Variants in SRC observed in about 807,000 individuals in gnomAD.
SRC encodes proto-oncogene tyrosine-protein kinase Src.
SRC carries 13 observed loss-of-function variants against 62.9 expected under a neutral mutation model. That is an observed-to-expected ratio of 0.21 (90% confidence interval 0.13 to 0.33). The LOEUF is 0.33. Among genes scored for constraint, SRC ranks in the 10% least tolerant of loss-of-function variants. The pLI, the probability that SRC is intolerant of heterozygous loss-of-function variation, is 1.00. For synonymous variants in SRC, 302 were observed against 317.5 expected (o/e 0.95, Z 0.52); for missense variants, 457 against 737.3 (o/e 0.62, Z 4.40).
rs372817033 is a variant in SRC at position 37,386,063 on chromosome 20, C to A, written c.251-12C>A. 2.5e-6 allele frequency: 4 copies of A among 1,608,772 alleles called. No individual in the cohort carries two copies. In the African/African-American group the frequency reaches 5.3e-5, roughly 21 times the overall value. Reference sequence around the variant, plus strand: ...GCCCCACTGTTCTGACACACCCCACCCCTCTCTGCAGGTGGAGTGACCACC... The same window carrying A: ...GCCCCACTGTTCTGACACACCCCACACCTCTCTGCAGGTGGAGTGACCACC... On this transcript the variant is annotated splice_polypyrimidine_tract_variant and intron_variant, in intron 4 of 13. Transcript: ENST00000373578.
In SRC at chr20:37,396,231, G is replaced by A. The variant is rs867236697; in HGVS notation, c.623G>A (p.Arg208His). ...KGLNVKHYKI[R>H]KLDSGGFYIT... ...CTCAACGTGAAGCACTACAAGATCC[G>A]CAAGCTGGACAGCGGCGGCTTCTAC... is the stretch of plus-strand genomic sequence containing the variant. Residue 208 changes from arginine to histidine, a missense_variant, in exon 8 of 14, where the codon CGC (arginine) becomes CAC (histidine). Around this residue, in one of 4 missense-constraint regions of SRC, gnomAD observed 141 missense variants for 198.4 expected, o/e 0.71. Transcript: ENST00000373578. The surrounding 1 kb of genome is among the most constrained non-coding windows in gnomAD (Gnocchi z 6.1). 6.2e-7 allele frequency: 1 copy of A among 1,614,046 alleles called. No homozygotes were observed. The highest frequency in any genetic ancestry group is 8.5e-7 in the Non-Finnish European group (1 of 1,180,000).
At chr20:37,367,188 T>G (rs2070076822) in intron 2 of SRC, among the ~76,000 whole-genome samples, 1 of 149,504 alleles carries the variant, frequency 6.7e-6, no homozygotes, top group South Asian at 2.2e-4. Context: ...TCCTCTCATC[T>G]CAGCCTCCCA....
At position 37,405,689 on chromosome 20, in the gene SRC, T is replaced by TCCGTA. The variant is rs1733343230; in HGVS notation, c.*2314_*2315insACCGT. On this transcript the variant is annotated 3_prime_UTR_variant, in exon 14 of 14. Transcript: ENST00000373578. The stretch of plus-strand genomic sequence containing the variant: ...GCATGACAAGTTCAGGACTCAAATG[T>TCCGTA]CCGTGGTGGATGGTAGCAGTGACAT... 1 of 155,722 alleles carries TCCGTA rather than the reference T, an allele frequency of 6.4e-6. No individual in the cohort carries two copies. Among genetic ancestry groups the TCCGTA allele is most frequent in the Admixed American group, 6.5e-5 (1 of 15,340 alleles). The allele number at this position is 155,722 out of a possible 1,614,324, so 9.6% of individuals were successfully genotyped here. A position where few individuals can be genotyped will look rare whatever the true frequency, so the allele number is the denominator to read the frequency against.
chr20:37,363,451 C>T (rs537390138), intron 1 of SRC, among the ~76,000 whole-genome samples: 5 of 152,206 alleles, frequency 3.3e-5, no homozygotes, highest in Admixed American at 3.3e-4. Context: ...GTGCTCCTCA[C>T]AGGGGAGGTG....
intron 4 of SRC, among the ~76,000 whole-genome samples, chr20:37,385,222 A>G (rs950747775): frequency 5.9e-5 from 9 of 152,162 alleles, no homozygotes; most frequent in African/African-American, 2.2e-4. Context: ...CGCCCAGGAG[A>G]CAGATACACA....
chr20:37,380,047 A>G (rs1041953409), intron 2 of SRC, among the ~76,000 whole-genome samples: 4 of 152,064 alleles, frequency 2.6e-5, no homozygotes, highest in African/African-American at 9.7e-5. Flanking sequence ...CATAAAGTGA[A>G]AAGAGGGAGG....
At chr20:37,377,083 G>A (rs1446270089) in intron 2 of SRC, among the ~76,000 whole-genome samples, 7 of 152,190 alleles carry the variant, frequency 4.6e-5, no homozygotes, top group Non-Finnish European at 2.9e-5. Flanking sequence ...CAGTCCCTGC[G>A]TCACTGTGCT....
intron 10 of SRC, 106 bp downstream of exon 10, chr20:37,400,400 A>G (rs945606672): frequency 1.1e-5 from 12 of 1,069,252 alleles, no homozygotes; most frequent in African/African-American, 1.6e-5. Flanking sequence ...CAAAGGTGGA[A>G]TGCAGTAGAG....
chr20:37,378,565 G>GT (rs1376262935), intron 2 of SRC, among the ~76,000 whole-genome samples: 1 of 152,174 alleles, frequency 6.6e-6, no homozygotes, highest in Non-Finnish European at 1.5e-5. Flanking sequence ...GAAACAGTGT[G>GT]TTGGGGTCTC....
chr20:37,346,525 A>T (rs1055453466), intron 1 of SRC, among the ~76,000 whole-genome samples: 2 of 151,704 alleles, frequency 1.3e-5, no homozygotes, highest in African/African-American at 4.8e-5. Flanking sequence ...GACCCCCTCC[A>T]GCTCATGCTC....
chr20:37,345,759 T>C (rs907945127), upstream of SRC, among the ~76,000 whole-genome samples: 6 of 151,344 alleles, frequency 4.0e-5, no homozygotes, highest in Non-Finnish European at 5.9e-5. Flanking sequence ...CCACGCCCGC[T>C]GATATTATTA....
At chr20:37,345,755 C>G (rs2069706533), upstream of SRC, among the ~76,000 whole-genome samples, 1 of 152,202 alleles carries the variant, frequency 6.6e-6, no homozygotes, top group Non-Finnish European at 1.5e-5. Flanking sequence ...CGCTCCACGC[C>G]CGCTGATATT....
At position 37,396,085 on chromosome 20, in the gene SRC, G is replaced by T; in HGVS notation, c.554-77G>T. ...CTCCCTTCCCTCCAATGTCAGGCAG[G>T]CACAGAACGGTGTCCAGAGCAGCGG... On this transcript the variant is annotated intron_variant, in intron 7 of 13. Coordinates refer to ENST00000373578, the MANE Select transcript of SRC (RefSeq NM_198291.3). The surrounding 1 kb of genome is among the most constrained non-coding windows in gnomAD (Gnocchi z 6.1). 1 of 1,557,874 alleles carries T rather than the reference G, an allele frequency of 6.4e-7. No individual in the cohort carries two copies. The highest frequency in any genetic ancestry group is 8.7e-7 in the Non-Finnish European group (1 of 1,152,986).
chr20:37,399,459 A>G (rs1175478725), intron 9 of SRC, among the ~76,000 whole-genome samples: 1 of 152,204 alleles, frequency 6.6e-6, no homozygotes, highest in African/African-American at 2.4e-5. Flanking sequence ...AGTCCTGCTC[A>G]GAGGGAACAT....
chr20:37,387,057 G>T (rs528030659), intron 5 of SRC, among the ~76,000 whole-genome samples: 4 of 152,234 alleles, frequency 2.6e-5, no homozygotes, highest in South Asian at 2.1e-4. Flanking sequence ...GACTGGAGGG[G>T]GCTGACGCCT....
upstream of SRC, among the ~76,000 whole-genome samples, chr20:37,345,301 G>T (rs1235701217): frequency 6.6e-6 from 1 of 152,070 alleles, no homozygotes; most frequent in African/African-American, 2.4e-5. Flanking sequence ...GGTAAGAGGG[G>T]AGTCTTTGTG....
Position 37,397,751 on chromosome 20 carries a change from G to A in SRC, c.756G>A (p.Lys252=), listed in dbSNP as rs774569491. ...HRLTTVCPTS[K]PQTQGLAKDA... Reference sequence around the variant, plus strand: ...TCACCACCGTGTGCCCCACGTCCAAGCCGCAGACTCAGGGCCTGGCCAAGG... The same window carrying A: ...TCACCACCGTGTGCCCCACGTCCAAACCGCAGACTCAGGGCCTGGCCAAGG... Residue 252 remains lysine, a synonymous_variant, in exon 9 of 14, where the codon AAG becomes AAA. Coordinates refer to ENST00000373578, the MANE Select transcript of SRC (RefSeq NM_198291.3). The surrounding 1 kb of genome is among the most constrained non-coding windows in gnomAD (Gnocchi z 4.1). The A allele has an allele frequency of 1.9e-6, 3 of 1,610,220 alleles. No homozygotes were observed. Among genetic ancestry groups the A allele is most frequent in the Non-Finnish European group, 2.5e-6 (3 of 1,178,452 alleles).
At chr20:37,362,830 G>A (rs1338928424) in intron 1 of SRC, among the ~76,000 whole-genome samples, 1 of 152,176 alleles carries the variant, frequency 6.6e-6, no homozygotes, top group East Asian at 1.9e-4. Context: ...GTGGGGGCTC[G>A]GAGGAGGGAG....
chr20:37,393,116 C>A (rs923865040), intron 5 of SRC, among the ~76,000 whole-genome samples: 2 of 152,216 alleles, frequency 1.3e-5, no homozygotes, highest in Admixed American at 6.5e-5. Context: ...TCCTTCTCCT[C>A]ACTTTCGCAT....
Sources: gnomAD v4.1 joint callset for allele counts (sites outside exome capture counted in the v4.1 genomes callset) on GRCh38, gnomAD v4.1.1 for gene constraint, gnomAD v4.1.1 regional missense constraint, Gnocchi (gnomAD v3.1) non-coding constraint, MANE v1.5 for transcripts, NCBI Gene and HGNC (gene_info 2026-07-23, HGNC 2026-07-21) for gene names.